The following CNTN5 variants were observed in gnomAD, a reference collection of about 807,000 sequenced individuals.
CNTN5 encodes the protein contactin 5.
CNTN5 carries 77 observed loss-of-function variants against 129.1 expected under a neutral mutation model. That is an observed-to-expected ratio of 0.60 (90% CI 0.50 to 0.72). The LOEUF (loss-of-function observed/expected upper bound fraction) is 0.72. Ranked by LOEUF, CNTN5 falls within the 30% of genes least tolerant of loss-of-function variation. The pLI, the probability that CNTN5 is intolerant of heterozygous loss-of-function variation, is 0.00. For synonymous variants in CNTN5, 509 were observed against 465.6 expected, an observed-to-expected ratio of 1.09 and a Z score of -1.20; for missense variants, 1,478 against 1,328.8, an observed-to-expected ratio of 1.11 and a Z score of -1.75.
intron 3 of CNTN5, among the ~76,000 whole-genome samples, chr11:99,741,872 C>T (rs537550017): frequency 2.3e-4 from 35 of 152,154 alleles, no homozygotes; most frequent in Admixed American, 2.0e-3. Flanking sequence ...GACATGTGAA[C>T]AGTTTTGCAT....
At chr11:100,034,322 C>A (rs1281900041) in intron 9 of CNTN5, among the ~76,000 whole-genome samples, 1 of 152,206 alleles carries the variant, frequency 6.6e-6, no homozygotes, top group East Asian at 1.9e-4. Context: ...TATTATCTAA[C>A]TGTGTAAGCC....
intron 3 of CNTN5, among the ~76,000 whole-genome samples, chr11:99,637,775 ATTAC>A (rs1213311380): frequency 6.6e-6 from 1 of 151,558 alleles, no homozygotes; most frequent in Non-Finnish European, 1.5e-5. Context: ...GTCTCTACTT[ATTAC>A]TTATATATAA....
intron 16 of CNTN5, among the ~76,000 whole-genome samples, chr11:100,239,054 A>G (rs1294132200): frequency 6.6e-6 from 1 of 152,202 alleles, no homozygotes; most frequent in African/African-American, 2.4e-5. Context: ...CATTAGGGCC[A>G]TCTCAGTATA....
intron 2 of CNTN5, among the ~76,000 whole-genome samples, chr11:99,338,919 G>GATATATATATATATATATAT (rs10534485): frequency 9.4e-4 from 119 of 126,940 alleles, no homozygotes; most frequent in South Asian, 2.6e-3. Flanking sequence ...TTCATTCACA[G>GATATATATATATATATATAT]ATATATATAT....
At chr11:99,621,960 G>T (rs1000005043) in intron 3 of CNTN5, among the ~76,000 whole-genome samples, 74 of 152,198 alleles carry the variant, frequency 4.9e-4, no homozygotes, top group African/African-American at 1.7e-3. Context: ...CTAAATAGCT[G>T]ACTGAATTCT....
intron 1 of CNTN5, among the ~76,000 whole-genome samples, chr11:99,250,341 T>C (rs1862034762): frequency 6.6e-6 from 1 of 151,966 alleles, no homozygotes; most frequent in Non-Finnish European, 1.5e-5. Context: ...TATAAATTCA[T>C]TGAGTGTTGA....
In CNTN5 at chr11:99,826,042, A is replaced by G. The variant is rs188229053; in HGVS notation, c.277+6277A>G. On this transcript the variant is annotated intron_variant, in intron 4 of 24. Transcript: ENST00000524871. ...ATGCTTACTTAGTTTAAGGAAGTCC[A>G]TTCCTGAATTTGTACTTTGGAGTAT... 3.3e-5 allele frequency among the ~76,000 whole-genome samples: 5 copies of G among 152,210 alleles called. No homozygotes were observed. In the East Asian group the frequency reaches 5.8e-4, roughly 18 times the overall value.
At chr11:99,902,383 T>C (rs1046079126) in intron 6 of CNTN5, among the ~76,000 whole-genome samples, 1 of 152,122 alleles carries the variant, frequency 6.6e-6, no homozygotes, top group East Asian at 1.9e-4. Context: ...AAGTATTTAC[T>C]AAGTGACCCT....
intron 6 of CNTN5, among the ~76,000 whole-genome samples, chr11:99,852,515 A>G (rs17617105): frequency 0.32 from 48,791 of 152,052 alleles, 8,008 homozygotes; most frequent in African/African-American, 0.4. Flanking sequence ...AAGAGTGAAT[A>G]AAAGTTGAAA....
intron 2 of CNTN5, among the ~76,000 whole-genome samples, chr11:99,538,297 T>A (rs1309013388): frequency 6.6e-6 from 1 of 152,146 alleles, no homozygotes; most frequent in Admixed American, 6.6e-5. Context: ...CACGTTCTAT[T>A]TACAGTGGTT....
chr11:99,047,537 A>T (rs1864263483), intron 1 of CNTN5, among the ~76,000 whole-genome samples: 1 of 152,162 alleles, frequency 6.6e-6, no homozygotes, highest in African/African-American at 2.4e-5. Flanking sequence ...AAAAGTAAGT[A>T]TATAACATTT....
intron 2 of CNTN5, among the ~76,000 whole-genome samples, chr11:99,401,749 A>G (rs1941820907): frequency 6.6e-6 from 1 of 152,016 alleles, no homozygotes; most frequent in South Asian, 2.1e-4. Context: ...TGTCCTCTTC[A>G]ATTCTTTCAT....
intron 9 of CNTN5, among the ~76,000 whole-genome samples, chr11:100,037,481 A>C (rs1018124572): frequency 2.0e-5 from 3 of 152,094 alleles, no homozygotes; most frequent in Non-Finnish European, 4.4e-5. Context: ...TGCTGGCCTC[A>C]TAAAATGAGT....
In CNTN5 at chr11:99,183,835, A is replaced by T. The variant is rs180807664; in HGVS notation, c.-209-141511A>T. 5.9e-5 allele frequency among the ~76,000 whole-genome samples: 9 copies of T among 152,206 alleles called. No individual in the cohort carries two copies. The East Asian group carries it at 1.5e-3, about 26-fold the overall frequency. On this transcript the variant is annotated intron_variant, in intron 1 of 24. Transcript: ENST00000524871. ...ATTTGCTGGTTTCATTTAAAATTCC[A>T]TGTCTAAAGTTTAACTCAATATCTT...
chr11:99,556,132 C>T lies in CNTN5; in HGVS notation c.-70-13C>T. ...TTCCTCTGTTTAAGAAAATTGTTATCTATCTCAAACAGGGCACTCTTTAAT... is the reference window on the plus strand; with the variant it reads ...TTCCTCTGTTTAAGAAAATTGTTATTTATCTCAAACAGGGCACTCTTTAAT... On this transcript the variant is annotated splice_polypyrimidine_tract_variant and intron_variant, in intron 2 of 24. Transcript: ENST00000524871. The T allele has an allele frequency of 4.4e-6, 3 of 686,678 alleles. No individual in the cohort carries two copies. Among genetic ancestry groups the T allele is most frequent in the Non-Finnish European group, 6.9e-6 (3 of 436,118 alleles). The allele number at this position is 686,678 out of a possible 1,614,324, so 42.5% of individuals were successfully genotyped here. A position where few individuals can be genotyped will look rare whatever the true frequency, so the allele number is the denominator to read the frequency against.
intron 1 of CNTN5, among the ~76,000 whole-genome samples, chr11:99,173,146 C>T (rs1489291964): frequency 6.6e-6 from 1 of 152,154 alleles, no homozygotes; most frequent in African/African-American, 2.4e-5. Flanking sequence ...CGTCTCACAC[C>T]TGGGTTCCTC....
intron 13 of CNTN5, among the ~76,000 whole-genome samples, chr11:100,111,449 C>T (rs570625350): frequency 1.3e-5 from 2 of 152,142 alleles, no homozygotes; most frequent in Non-Finnish European, 2.9e-5. Context: ...CAGAGAGACA[C>T]AAATCTGTCC....
chr11:99,390,495 A>T (rs1337846223), intron 2 of CNTN5, among the ~76,000 whole-genome samples: 3 of 152,188 alleles, frequency 2.0e-5, no homozygotes, highest in Non-Finnish European at 2.9e-5. Context: ...GACATATATA[A>T]AGTATCTTAC....
chr11:100,355,225 T>C (rs752487046), intron 24 of CNTN5, among the ~76,000 whole-genome samples: 2 of 151,770 alleles, frequency 1.3e-5, no homozygotes, highest in Non-Finnish European at 2.9e-5. Context: ...TTTTAAACTG[T>C]TTTGTTAGAA....
Sources: allele counts gnomAD v4.1 joint callset (sites outside exome capture counted in the v4.1 genomes callset), GRCh38; gene constraint gnomAD v4.1.1; transcripts MANE v1.5; gene names NCBI Gene and HGNC (gene_info 2026-07-23, HGNC 2026-07-21).